Variants in CFAP54 observed in about 807,000 individuals in gnomAD.
CFAP54 encodes the protein cilia- and flagella-associated protein 54.
CFAP54 carries 290 observed loss-of-function variants against 370.4 expected under a neutral mutation model. That is an observed-to-expected ratio of 0.78 (90% CI 0.71 to 0.86). The LOEUF is 0.86. Among genes scored for constraint, CFAP54 ranks in the 40% least tolerant of loss-of-function variants. The pLI is 0.00. For missense variants in CFAP54, 3,399 were observed against 3,528.7 expected, an observed-to-expected ratio of 0.96 and a Z score of 0.93; for synonymous variants, 1,206 against 1,236.5, an observed-to-expected ratio of 0.98 and a Z score of 0.52.
chr12:96,521,636 C>G (rs2136369363), intron 6 of CFAP54, among the ~76,000 whole-genome samples: 1 of 151,556 alleles, frequency 6.6e-6, no homozygotes, highest in Admixed American at 6.6e-5. Context: ...TTCAGCTTTC[C>G]TTTTTAAAAT....
At chr12:96,598,321 T>C (rs895608202) in intron 25 of CFAP54, among the ~76,000 whole-genome samples, 2 of 152,046 alleles carry the variant, frequency 1.3e-5, no homozygotes, top group Non-Finnish European at 2.9e-5. Flanking sequence ...TACCTGGATG[T>C]GATAGTTTTT....
chr12:96,625,797 C>T lies in CFAP54; in HGVS notation c.3966C>T (p.Ala1322=), dbSNP rs1465208263. The change falls in exon 29 of 68, where the codon GCC becomes GCT. Residue 1322 remains alanine (A), a synonymous_variant. Coordinates refer to ENST00000524981, the MANE Select transcript of CFAP54 (RefSeq NM_001306084.2). ...TTTTGAATTGGTCGGTCAAAGGTGC[C>T]GTGAAAGAAGGTAGGTGAACTGGAT... is the stretch of plus-strand genomic sequence containing the variant. ...PVVLNWSVKG[A]VKEVMKFKQK... is the part of the protein sequence containing the mutation. The T allele has an allele frequency of 1.3e-5, 20 of 1,534,660 alleles. No homozygotes were observed. The highest frequency in any genetic ancestry group is 2.4e-5 in the South Asian group (2 of 84,008).
chr12:96,587,782 T>A (rs1956087878), intron 22 of CFAP54, among the ~76,000 whole-genome samples: 1 of 152,136 alleles, frequency 6.6e-6, no homozygotes, highest in Non-Finnish European at 1.5e-5. Context: ...TAAACCTTAA[T>A]AATTATATAT....
At chr12:96,547,863 T>G in intron 14 of CFAP54, 39 bp from the exon 15 acceptor site, 1 of 1,078,590 alleles carries the variant, frequency 9.3e-7, no homozygotes, top group Non-Finnish European at 1.3e-6. Flanking sequence ...TCCCTTCCCC[T>G]CCATCCTTCA....
chr12:96,737,550 C>T (rs1336767541), intron 50 of CFAP54, among the ~76,000 whole-genome samples: 16 of 149,914 alleles, frequency 1.1e-4, no homozygotes, highest in East Asian at 5.9e-4. Flanking sequence ...AGTACAGTGG[C>T]GCCATCTTGG....
chr12:96,583,363 C>T (rs532575532), intron 22 of CFAP54, among the ~76,000 whole-genome samples: 1 of 152,122 alleles, frequency 6.6e-6, no homozygotes, highest in Admixed American at 6.5e-5. Flanking sequence ...CTGATCTTGA[C>T]CTTGGAGACT....
rs894555164 is a variant in CFAP54 at position 96,525,018 on chromosome 12, T to C, written c.1159-2228T>C. Among the ~76,000 whole-genome samples, 4 of 152,268 alleles carry C rather than the reference T, an allele frequency of 2.6e-5. No individual in the cohort carries two copies. The South Asian group carries it at 8.3e-4, about 32-fold the overall frequency. On this transcript the variant is annotated intron_variant, in intron 8 of 67. Coordinates refer to ENST00000524981, the MANE Select transcript of CFAP54 (RefSeq NM_001306084.2). Reference sequence around the variant, plus strand: ...AAATTCCAGGTGTAGGATTATGGAATTGAAGGACATAAACACTTTATTTCT... The same window carrying C: ...AAATTCCAGGTGTAGGATTATGGAACTGAAGGACATAAACACTTTATTTCT...
intron 55 of CFAP54, among the ~76,000 whole-genome samples, chr12:96,746,278 C>CTG (rs1958113558): frequency 1.3e-5 from 2 of 152,136 alleles, no homozygotes; most frequent in South Asian, 4.2e-4. Flanking sequence ...AACAAACCTA[C>CTG]TGTAAGCCTC....
intron 60 of CFAP54, 95 bp downstream of exon 60, chr12:96,765,313 CT>C: frequency 8.6e-7 from 1 of 1,168,938 alleles, no homozygotes; most frequent in Non-Finnish European, 1.2e-6. Context: ...TGGCTTTTAG[CT>C]TAGATGGGAT....
At chr12:96,549,502 C>T (rs1482998198) in intron 15 of CFAP54, among the ~76,000 whole-genome samples, 1 of 151,954 alleles carries the variant, frequency 6.6e-6, no homozygotes, top group Non-Finnish European at 1.5e-5. Flanking sequence ...AATTTTACCC[C>T]CTAAAGTTAT....
At chr12:96,806,026 G>A (rs1357486305) in intron 63 of CFAP54, among the ~76,000 whole-genome samples, 2 of 150,590 alleles carry the variant, frequency 1.3e-5, no homozygotes, top group Admixed American at 6.6e-5. Context: ...ATGCACAGTG[G>A]AATAATAGAC....
intron 64 of CFAP54, among the ~76,000 whole-genome samples, chr12:96,814,154 T>C (rs558210913): frequency 6.6e-6 from 1 of 152,348 alleles, no homozygotes; most frequent in South Asian, 2.1e-4. Context: ...CAAAGAACGG[T>C]TTATCCTTCC....
At chr12:96,800,145 A>T (rs1043227946) in intron 63 of CFAP54, among the ~76,000 whole-genome samples, 2 of 152,222 alleles carry the variant, frequency 1.3e-5, no homozygotes, top group Non-Finnish European at 2.9e-5. Context: ...CCATATCCAT[A>T]TCAGTTATTA....
intron 6 of CFAP54, among the ~76,000 whole-genome samples, chr12:96,521,424 A>G (rs7972631): frequency 0.52 from 79,479 of 151,936 alleles, 21,242 homozygotes; most frequent in East Asian, 0.69. Flanking sequence ...TCACAATTTG[A>G]TGGTCAATGT....
intron 60 of CFAP54, among the ~76,000 whole-genome samples, chr12:96,776,338 A>G (rs986511204): frequency 6.6e-6 from 1 of 152,102 alleles, no homozygotes; most frequent in African/African-American, 2.4e-5. Context: ...AGACAAATCT[A>G]TTAGTATAGA....
chr12:96,650,766 G>A (rs1956849920), intron 35 of CFAP54, among the ~76,000 whole-genome samples: 1 of 152,128 alleles, frequency 6.6e-6, no homozygotes, highest in Non-Finnish European at 1.5e-5. Flanking sequence ...GGAGTGGACA[G>A]AGTGATTTTT....
chr12:96,689,783 G>A (rs1957370160), intron 43 of CFAP54, among the ~76,000 whole-genome samples: 1 of 152,122 alleles, frequency 6.6e-6, no homozygotes, highest in Non-Finnish European at 1.5e-5. Flanking sequence ...AAGACATTTT[G>A]AAATTCCAAA....
chr12:96,593,551 C>T (rs983689987), intron 24 of CFAP54, among the ~76,000 whole-genome samples: 3 of 152,076 alleles, frequency 2.0e-5, no homozygotes, highest in East Asian at 1.9e-4. Context: ...CTTCTTTCAG[C>T]GTATTCAATC....
chr12:96,753,630 T>C, intron 55 of CFAP54, 113 bp from the exon 56 acceptor site: 2 of 1,041,626 alleles, frequency 1.9e-6, no homozygotes, highest in Non-Finnish European at 2.7e-6. Context: ...CTGTAAAAAC[T>C]ACCAAAGTTC....
Sources: allele counts gnomAD v4.1 joint callset (sites outside exome capture counted in the v4.1 genomes callset), GRCh38; gene constraint gnomAD v4.1.1; transcripts MANE v1.5; gene names NCBI Gene and HGNC (gene_info 2026-07-23, HGNC 2026-07-21).